PCGF3: variants seen among roughly 807,000 people sequenced by gnomAD.
The protein encoded by PCGF3 is polycomb group RING finger protein 3.
In PCGF3, 7 loss-of-function variants were observed where a neutral mutation model predicts 33.1. That is an observed-to-expected ratio of 0.21 (90% CI 0.12 to 0.40). PCGF3 has a LOEUF of 0.40. Among genes scored for constraint, PCGF3 ranks in the 10% least tolerant of loss-of-function variants. PCGF3 has a pLI of 1.00. For missense variants in PCGF3, 211 were observed against 313.3 expected (o/e 0.67, Z 2.46); for synonymous variants, 153 against 121.3 (o/e 1.26, Z -1.72).
chr4:716,164 A>C (rs190199042), intron 1 of PCGF3, among the ~76,000 whole-genome samples: 1 of 121,596 alleles, frequency 8.2e-6, no homozygotes, highest in Non-Finnish European at 1.8e-5. Context: ...TGAGTGTGAG[A>C]ACTGGGCGTC....
chr4:761,541 TC>T, intron 9 of PCGF3, 125 bp downstream of exon 9: 1 of 1,413,538 alleles, frequency 7.1e-7, no homozygotes, highest in Non-Finnish European at 9.5e-7. Flanking sequence ...CAGAAAAAAA[TC>T]CGTTTTGCCT....
chr4:736,965 AGC>A (rs1743865430), intron 5 of PCGF3, among the ~76,000 whole-genome samples: 1 of 358 alleles, frequency 2.8e-3, no homozygotes, highest in African/African-American at 0.023. Context: ...GTGTCCCCTG[AGC>A]GCACGGGACG....
chr4:709,448 T>C (rs1303623049), intron 1 of PCGF3, among the ~76,000 whole-genome samples: 1 of 149,794 alleles, frequency 6.7e-6, no homozygotes, highest in African/African-American at 2.5e-5. Context: ...AAGGCAAGAG[T>C]GAATGATCCA....
At chr4:741,500 AG>A (rs1168480171) in intron 6 of PCGF3, among the ~76,000 whole-genome samples, 1 of 152,168 alleles carries the variant, frequency 6.6e-6, no homozygotes. Flanking sequence ...TCCGCCTCCC[AG>A]GTTCACACAG....
At chr4:751,209 C>G (rs911005348) in intron 8 of PCGF3, among the ~76,000 whole-genome samples, 1 of 152,144 alleles carries the variant, frequency 6.6e-6, no homozygotes, top group Non-Finnish European at 1.5e-5. Flanking sequence ...TCTATAACTT[C>G]GTGATGAGTT....
intron 8 of PCGF3, among the ~76,000 whole-genome samples, chr4:756,702 T>A (rs1040274564): frequency 1.3e-5 from 2 of 152,292 alleles, no homozygotes; most frequent in East Asian, 3.9e-4. Context: ...GACCCAGTGT[T>A]ACACAGCCAC....
intron 1 of PCGF3, among the ~76,000 whole-genome samples, chr4:711,532 A>G (rs1285473089): frequency 1.5e-5 from 2 of 137,278 alleles, no homozygotes; most frequent in African/African-American, 2.7e-5. Flanking sequence ...ATCTCGGCTC[A>G]CTGCAAGCTC....
chr4:760,720 C>T (rs1745006443), intron 8 of PCGF3, among the ~76,000 whole-genome samples: 1 of 152,236 alleles, frequency 6.6e-6, no homozygotes, highest in South Asian at 2.1e-4. Context: ...AAGCCTCGTC[C>T]TGGGCAGATT....
chr4:748,566 G>A (rs1249433836), intron 8 of PCGF3, among the ~76,000 whole-genome samples: 1 of 152,234 alleles, frequency 6.6e-6, no homozygotes, highest in East Asian at 1.9e-4. Flanking sequence ...ATAGACACGT[G>A]TGTCCAACGT....
rs763318518 is a variant in PCGF3 at position 733,915 on chromosome 4, A to G, written c.109+126A>G. Reference sequence around the variant, plus strand: ...CCCGACAAAAGCAGGAACCAGGACCAGGGGCAGAGACGATCTTGAAGATAA... The same window carrying G: ...CCCGACAAAAGCAGGAACCAGGACCGGGGGCAGAGACGATCTTGAAGATAA... On this transcript the variant is annotated intron_variant, in intron 4 of 10. Transcript: ENST00000362003. 11 of 1,572,400 alleles carry G rather than the reference A, an allele frequency of 7.0e-6. No individual in the cohort carries two copies. The East Asian group carries it at 2.1e-4, about 31-fold the overall frequency.
In PCGF3 at chr4:711,418, A is replaced by G. The variant is rs183081175; in HGVS notation, c.-190+5448A>G. 2.6e-3 allele frequency among the ~76,000 whole-genome samples: 395 copies of G among 151,300 alleles called. 6 individuals are homozygous for G. Among genetic ancestry groups the G allele is most frequent in the African/African-American group, 8.9e-3 (366 of 41,258 alleles). ...AGCCTTATTTTTGGTTAATGGTTAGAATTGAAGTTGAAAATGTAATTTTTC... is the reference window on the plus strand; with the variant it reads ...AGCCTTATTTTTGGTTAATGGTTAGGATTGAAGTTGAAAATGTAATTTTTC... On this transcript the variant is annotated intron_variant, in intron 1 of 10. Transcript: ENST00000362003.
intron 5 of PCGF3, among the ~76,000 whole-genome samples, chr4:735,849 C>T (rs923157559): frequency 6.6e-6 from 1 of 152,186 alleles, no homozygotes; most frequent in Non-Finnish European, 1.5e-5. Context: ...TGGACGTCAG[C>T]AGGAGGCCAA....
At chr4:719,937 A>T (rs917726806) in intron 1 of PCGF3, among the ~76,000 whole-genome samples, 5 of 152,178 alleles carry the variant, frequency 3.3e-5, no homozygotes, top group African/African-American at 1.2e-4. Flanking sequence ...ACGAGAGTCC[A>T]TTGGGATCGT....
chr4:741,154 A>G (rs1280963439), intron 6 of PCGF3, among the ~76,000 whole-genome samples: 1 of 152,238 alleles, frequency 6.6e-6, no homozygotes, highest in Non-Finnish European at 1.5e-5. Context: ...CTCACAGGAA[A>G]GCAGTATTTA....
At chr4:763,902 C>A (rs948950947) in intron 9 of PCGF3, among the ~76,000 whole-genome samples, 1 of 152,214 alleles carries the variant, frequency 6.6e-6, no homozygotes, top group Non-Finnish European at 1.5e-5. Context: ...GGGCCAAGAG[C>A]AGGCACATGG....
intron 8 of PCGF3, among the ~76,000 whole-genome samples, chr4:752,456 A>T (rs376695628): frequency 6.6e-6 from 1 of 152,106 alleles, no homozygotes; most frequent in Non-Finnish European, 1.5e-5. Flanking sequence ...GGCGGGTTTC[A>T]TGGATGCACG....
rs141803930 is a variant in PCGF3, at chr4:728,848, C to T, written c.-189-1782C>T. Among the ~76,000 whole-genome samples the T allele has an allele frequency of 1.5e-3, 230 of 151,796 alleles. 1 individual carries two copies. Among genetic ancestry groups the T allele is most frequent in the African/African-American group, 5.4e-3 (222 of 41,382 alleles). ...GGTGTGGTGGCTCACGCCTGTATTCCCAGCACTCTGGGAGGCCGAGGTGGG... is the reference window on the plus strand; with the variant it reads ...GGTGTGGTGGCTCACGCCTGTATTCTCAGCACTCTGGGAGGCCGAGGTGGG... On this transcript the variant is annotated intron_variant, in intron 1 of 10. Coordinates refer to ENST00000362003, the Ensembl canonical transcript of PCGF3.
chr4:728,740 G>A (rs570567899), intron 1 of PCGF3, among the ~76,000 whole-genome samples: 2 of 152,178 alleles, frequency 1.3e-5, no homozygotes, highest in Non-Finnish European at 2.9e-5. Context: ...GTCAGGAGCC[G>A]CCAGCTGTAC....
At chr4:743,795 G>A in intron 7 of PCGF3, 1 of 480,992 alleles carries the variant, frequency 2.1e-6, no homozygotes, top group Non-Finnish European at 3.7e-6. Context: ...GCCAGCAGGG[G>A]AGAGCAGGAG....
Sources: gnomAD v4.1 joint callset for allele counts (sites outside exome capture counted in the v4.1 genomes callset) on GRCh38, gnomAD v4.1.1 for gene constraint, MANE v1.5 for transcripts, NCBI Gene and HGNC (gene_info 2026-07-23, HGNC 2026-07-21) for gene names.